NCKAP5: variants seen among roughly 807,000 people sequenced by gnomAD.
The protein encoded by NCKAP5 is NCK associated protein 5.
Under a neutral mutation model 167.0 loss-of-function variants are expected in NCKAP5, and 92 were observed. The observed-to-expected ratio is 0.55, with a 90% confidence interval of 0.47 to 0.66. NCKAP5 has a LOEUF of 0.66. Ranked by LOEUF, NCKAP5 falls within the 30% of genes least tolerant of loss-of-function variation. The probability of loss-of-function intolerance (pLI) is 0.00; values close to 1 mark genes in which losing one functional copy is unlikely to be tolerated. For missense variants in NCKAP5, 2,378 were observed against 2,315.0 expected, an observed-to-expected ratio of 1.03 and a Z score of -0.56; for synonymous variants, 891 against 877.4, an observed-to-expected ratio of 1.02 and a Z score of -0.27.
At chr2:133,012,399 C>T (rs544743938) in intron 6 of NCKAP5, among the ~76,000 whole-genome samples, 3 of 152,262 alleles carry the variant, frequency 2.0e-5, no homozygotes, top group Admixed American at 1.3e-4. Flanking sequence ...AGGTGCACGC[C>T]GCCATGCCTG....
intron 8 of NCKAP5, among the ~76,000 whole-genome samples, chr2:132,957,992 T>A (rs1259512193): frequency 6.6e-6 from 1 of 152,130 alleles, no homozygotes; most frequent in Non-Finnish European, 1.5e-5. Flanking sequence ...TTCTCCTGTG[T>A]CTTTGAGTCC....
chr2:133,571,916 C>T (rs566253162), upstream of NCKAP5, among the ~76,000 whole-genome samples: 7 of 151,714 alleles, frequency 4.6e-5, no homozygotes, highest in East Asian at 1.9e-4. Flanking sequence ...CGGAGGTTGC[C>T]GTGAGCCAAG....
chr2:133,090,353 T>C (rs2081133147), intron 6 of NCKAP5, among the ~76,000 whole-genome samples: 1 of 151,432 alleles, frequency 6.6e-6, no homozygotes, highest in African/African-American at 2.4e-5. Context: ...AAGAGAAAGG[T>C]AGAAAGAGAT....
chr2:133,019,103 T>C (rs759916870), intron 6 of NCKAP5, among the ~76,000 whole-genome samples: 13 of 152,216 alleles, frequency 8.5e-5, no homozygotes, highest in Admixed American at 3.3e-4. Context: ...TGTCCTATGA[T>C]ACCGTGGATT....
chr2:133,224,620 T>A (rs1055045756), intron 4 of NCKAP5, among the ~76,000 whole-genome samples: 1 of 152,222 alleles, frequency 6.6e-6, no homozygotes, highest in Admixed American at 6.5e-5. Context: ...TTCATTAGAA[T>A]AATATATGCT....
chr2:132,778,653 A>G (rs1682757295), intron 15 of NCKAP5, among the ~76,000 whole-genome samples: 1 of 152,190 alleles, frequency 6.6e-6, no homozygotes. Flanking sequence ...AACTTCTATG[A>G]AAACAATTCT....
rs570134739 is a variant in NCKAP5, at chr2:132,765,939, T to C, written c.5128+7877A>G. Among the ~76,000 whole-genome samples the C allele has an allele frequency of 2.5e-4, 38 of 151,690 alleles. 1 individual carries two copies. Among genetic ancestry groups the C allele is most frequent in the Admixed American group, 2.0e-3 (31 of 15,236 alleles). Reference sequence around the variant, plus strand: ...TTTGGAAAGTGGACATAAGGGGTGGTTTTTCAACAATCATCCTAGACCATG... The same window carrying C: ...TTTGGAAAGTGGACATAAGGGGTGGCTTTTCAACAATCATCCTAGACCATG... On this transcript the variant is annotated intron_variant, in intron 16 of 19. Transcript: ENST00000409261.
chr2:133,121,211 T>C (rs2082240611), intron 6 of NCKAP5, among the ~76,000 whole-genome samples: 1 of 152,080 alleles, frequency 6.6e-6, no homozygotes, highest in Non-Finnish European at 1.5e-5. Context: ...ATATTATAGG[T>C]CTTTAACGCA....
intron 3 of NCKAP5, among the ~76,000 whole-genome samples, chr2:133,442,461 C>T (rs577365580): frequency 8.5e-5 from 13 of 152,322 alleles, no homozygotes; most frequent in East Asian, 3.9e-4. Flanking sequence ...TTATTGTCCG[C>T]ACCAGGGGTT....
At chr2:133,229,798 G>A (rs529381917) in intron 4 of NCKAP5, among the ~76,000 whole-genome samples, 86 of 151,988 alleles carry the variant, frequency 5.7e-4, no homozygotes, top group African/African-American at 1.5e-3. Context: ...TCAGTAATCC[G>A]GACACACACA....
intron 4 of NCKAP5, among the ~76,000 whole-genome samples, chr2:133,300,743 G>A (rs200131569): frequency 0.012 from 1,194 of 102,606 alleles, no homozygotes; most frequent in African/African-American, 0.02. Flanking sequence ...CTCTCTCACC[G>A]CTCCTATTCA....
intron 5 of NCKAP5, among the ~76,000 whole-genome samples, chr2:133,158,447 A>ATTATGATT (rs2083660471): frequency 6.6e-6 from 1 of 152,226 alleles, no homozygotes; most frequent in Admixed American, 6.5e-5. Context: ...CTCACTTTGA[A>ATTATGATT]TTATGATTTA....
In NCKAP5 at chr2:133,391,634, G is replaced by A. The variant is rs144345414; in HGVS notation, c.70-88524C>T. On this transcript the variant is annotated intron_variant, in intron 3 of 19. Transcript: ENST00000409261. ...ATCTTGCTCCCCAGCCCTCTTCCCCGCACTCATCCTCTAAATCTAATGTTG... is the reference window on the plus strand; with the variant it reads ...ATCTTGCTCCCCAGCCCTCTTCCCCACACTCATCCTCTAAATCTAATGTTG... Among the ~76,000 whole-genome samples the A allele has an allele frequency of 1.8e-3, 280 of 152,084 alleles. 3 individuals are homozygous for A. In the South Asian group the frequency reaches 0.029, roughly 16 times the overall value.
At chr2:133,406,864 G>A (rs563339682) in intron 3 of NCKAP5, among the ~76,000 whole-genome samples, 1 of 152,286 alleles carries the variant, frequency 6.6e-6, no homozygotes, top group South Asian at 2.1e-4. Flanking sequence ...GCCCCACCTT[G>A]CCCTTCCTTC....
chr2:133,175,253 T>C (rs990398580), intron 5 of NCKAP5, among the ~76,000 whole-genome samples: 1 of 152,250 alleles, frequency 6.6e-6, no homozygotes, highest in Non-Finnish European at 1.5e-5. Flanking sequence ...ACCATAGACA[T>C]GTTAACCCTT....
At chr2:132,711,548 T>A (rs1053777189) in intron 19 of NCKAP5, among the ~76,000 whole-genome samples, 1 of 152,266 alleles carries the variant, frequency 6.6e-6, no homozygotes, top group Non-Finnish European at 1.5e-5. Context: ...TTTTCTAGTA[T>A]ATCTGGTTGC....
chr2:133,146,173 C>G lies in NCKAP5; in HGVS notation c.208-16062G>C, dbSNP rs141093092. On this transcript the variant is annotated intron_variant, in intron 5 of 19. Transcript: ENST00000409261. ...ACAACTAGATAAAATGGGAGGGAAG[C>G]AACATCTAGATAAAATGGGAGGGAA... Among the ~76,000 whole-genome samples, 161 of 148,462 alleles carry G rather than the reference C, an allele frequency of 1.1e-3. 1 individual carries two copies. The East Asian group carries it at 0.022, about 21-fold the overall frequency.
intron 5 of NCKAP5, among the ~76,000 whole-genome samples, chr2:133,186,607 T>C (rs958593535): frequency 3.3e-5 from 5 of 152,156 alleles, no homozygotes; most frequent in Non-Finnish European, 5.9e-5. Context: ...GGTAGATTTT[T>C]TACCACTGAT....
At chr2:132,788,237 A>G (rs1683755036) in intron 13 of NCKAP5, among the ~76,000 whole-genome samples, 1 of 152,170 alleles carries the variant, frequency 6.6e-6, no homozygotes, top group Non-Finnish European at 1.5e-5. Flanking sequence ...CTTGGGAAGC[A>G]GTGTGGTTGA....
Sources: gnomAD v4.1 joint callset for allele counts (sites outside exome capture counted in the v4.1 genomes callset) on GRCh38, gnomAD v4.1.1 for gene constraint, MANE v1.5 for transcripts, NCBI Gene and HGNC (gene_info 2026-07-23, HGNC 2026-07-21) for gene names.